The following ZFHX3 variants were observed in gnomAD, a reference collection of about 807,000 sequenced individuals.
ZFHX3 encodes the protein zinc finger homeobox protein 3.
Under a neutral mutation model 279.1 loss-of-function variants are expected in ZFHX3, and 42 were observed. That is an observed-to-expected ratio of 0.15 (90% CI 0.12 to 0.19). The LOEUF (loss-of-function observed/expected upper bound fraction) is 0.19. ZFHX3 is among the 10% of genes least tolerant of loss of function. ZFHX3 has a pLI of 1.00. For missense variants in ZFHX3, 4,981 were observed against 4,754.0 expected, an observed-to-expected ratio of 1.05 and a Z score of -1.40; for synonymous variants, 2,293 against 1,957.8, an observed-to-expected ratio of 1.17 and a Z score of -4.52.
chr16:73,357,326 A>G (rs1200716224), intron 3 of ZFHX3, among the ~76,000 whole-genome samples: 1 of 151,174 alleles, frequency 6.6e-6, no homozygotes, highest in Non-Finnish European at 1.5e-5. Context: ...AATTAATTAC[A>G]AAAAATAACA....
At chr16:73,861,261 A>G (rs1235983756) in intron 1 of ZFHX3, among the ~76,000 whole-genome samples, 1 of 152,150 alleles carries the variant, frequency 6.6e-6, no homozygotes, top group Non-Finnish European at 1.5e-5. Context: ...CACCAAGTCC[A>G]GCATGTTTTA....
At chr16:73,009,390 T>C (rs935237601) in intron 1 of ZFHX3, among the ~76,000 whole-genome samples, 1 of 152,098 alleles carries the variant, frequency 6.6e-6, no homozygotes. Context: ...ACAGATTACA[T>C]TGTATGTAAT....
At chr16:73,600,561 G>A (rs866438575) in intron 2 of ZFHX3, among the ~76,000 whole-genome samples, 18 of 152,022 alleles carry the variant, frequency 1.2e-4, no homozygotes, top group African/African-American at 3.6e-4. Context: ...GGGACTACAG[G>A]CGCCCGCCAC....
Position 72,915,557 on chromosome 16 carries a change from G to A in ZFHX3, c.3217-25595C>T, listed in dbSNP as rs116442772. The stretch of plus-strand genomic sequence containing the variant: ...AGGCTCAAGAGGAGCCCAGGAAGTC[G>A]AGACCAGCCTGGGCAACAAGGCAAG... On this transcript the variant is annotated intron_variant, in intron 3 of 9. Transcript: ENST00000268489. Among the ~76,000 whole-genome samples, 423 of 152,204 alleles carry A rather than the reference G, an allele frequency of 2.8e-3. 3 individuals carry two copies. The highest frequency in any genetic ancestry group is 9.8e-3 in the African/African-American group (407 of 41,550).
chr16:73,187,813 A>C (rs970202166), intron 5 of ZFHX3, among the ~76,000 whole-genome samples: 2 of 152,212 alleles, frequency 1.3e-5, no homozygotes, highest in African/African-American at 4.8e-5. Flanking sequence ...ACTCCTTTTC[A>C]CGTCACCCAC....
At chr16:73,815,746 C>CAGGTTTT (rs1960552385) in intron 1 of ZFHX3, 2 of 151,712 alleles carry the variant, frequency 1.3e-5, no homozygotes, top group Admixed American at 6.6e-5. Context: ...TGTATTTTTA[C>CAGGTTTT]TAGAGACAGG....
At chr16:73,772,026 C>T (rs1426619324) in intron 1 of ZFHX3, among the ~76,000 whole-genome samples, 2 of 152,130 alleles carry the variant, frequency 1.3e-5, no homozygotes. Context: ...CTTTCTTCTA[C>T]ATTTTATTTC....
intron 5 of ZFHX3, among the ~76,000 whole-genome samples, chr16:73,239,695 AC>A (rs1377638032): frequency 1.3e-5 from 2 of 152,178 alleles, no homozygotes; most frequent in African/African-American, 4.8e-5. Context: ...AGAAGAAGGA[AC>A]GGGGATGATT....
intron 5 of ZFHX3, among the ~76,000 whole-genome samples, chr16:73,228,620 A>G (rs1165181587): frequency 6.6e-6 from 1 of 152,182 alleles, no homozygotes; most frequent in Non-Finnish European, 1.5e-5. Context: ...TTGTGACTGC[A>G]CCATTGTACT....
intron 1 of ZFHX3, among the ~76,000 whole-genome samples, chr16:73,773,886 C>G (rs1166533951): frequency 6.6e-6 from 1 of 152,048 alleles, no homozygotes; most frequent in Non-Finnish European, 1.5e-5. Flanking sequence ...GCCTGTAAAC[C>G]CAGCAATTTG....
chr16:73,749,063 C>T (rs893665938), intron 1 of ZFHX3, among the ~76,000 whole-genome samples: 4 of 152,106 alleles, frequency 2.6e-5, no homozygotes, highest in Non-Finnish European at 5.9e-5. Context: ...GCTTGGATTA[C>T]AGGTGTGAGC....
chr16:73,211,164 A>G (rs550171464), intron 5 of ZFHX3, among the ~76,000 whole-genome samples: 15 of 152,278 alleles, frequency 9.9e-5, no homozygotes, highest in African/African-American at 3.6e-4. Flanking sequence ...TGGTTGGTTG[A>G]TGAGGACCAT....
chr16:73,240,035 G>C (rs1203442924), intron 5 of ZFHX3, among the ~76,000 whole-genome samples: 2 of 151,786 alleles, frequency 1.3e-5, no homozygotes, highest in African/African-American at 4.8e-5. Flanking sequence ...GTGTGTGTGT[G>C]TGTGTGTGTG....
At position 72,951,116 on chromosome 16, in the gene ZFHX3, C is replaced by T. The variant is rs926603446; in HGVS notation, c.2720-151G>A. ...TTGCAAAGGGCTACTGGCTGGAAAA[C>T]AAGCAAACAAACAAACACAGTCAAC... On this transcript the variant is annotated intron_variant, in intron 2 of 9. Transcript: ENST00000268489. The T allele has an allele frequency of 9.2e-6, 10 of 1,081,400 alleles. No individual in the cohort carries two copies. In the South Asian group the frequency reaches 9.6e-5, roughly 10 times the overall value. 67.0% of individuals were successfully genotyped at this position (1,081,400 alleles called of 1,614,324 possible). A position where few individuals can be genotyped will look rare whatever the true frequency, so the allele number is the denominator to read the frequency against.
chr16:73,026,680 A>AAAAAC (rs1964517866), intron 1 of ZFHX3, among the ~76,000 whole-genome samples: 1 of 151,224 alleles, frequency 6.6e-6, no homozygotes, highest in African/African-American at 2.4e-5. Flanking sequence ...CCTCAAAAAA[A>AAAAAC]AAAAAAAAAA....
chr16:73,039,389 G>A (rs1464472542), intron 1 of ZFHX3, among the ~76,000 whole-genome samples: 1 of 152,206 alleles, frequency 6.6e-6, no homozygotes, highest in Non-Finnish European at 1.5e-5. Flanking sequence ...CTAAATGGGG[G>A]GAGTGGCCGG....
chr16:73,040,278 G>T (rs1965064007), intron 1 of ZFHX3, among the ~76,000 whole-genome samples: 1 of 152,172 alleles, frequency 6.6e-6, no homozygotes, highest in African/African-American at 2.4e-5. Context: ...CAAGGGACAG[G>T]CGAGGCCAAG....
intron 2 of ZFHX3, chr16:73,504,621 C>T (rs1390810360): frequency 2.0e-5 from 3 of 152,310 alleles, no homozygotes; most frequent in Admixed American, 6.5e-5. Context: ...ACTTAACCCA[C>T]CTGGAGAGCA....
chr16:73,079,330 GC>G (rs1365854651), intron 8 of ZFHX3, among the ~76,000 whole-genome samples: 1 of 151,828 alleles, frequency 6.6e-6, no homozygotes, highest in Non-Finnish European at 1.5e-5. Flanking sequence ...TTCAAGACCA[GC>G]CTGGCCAACA....
Sources: allele counts gnomAD v4.1 joint callset (sites outside exome capture counted in the v4.1 genomes callset), GRCh38; gene constraint gnomAD v4.1.1; transcripts MANE v1.5; gene names NCBI Gene and HGNC (gene_info 2026-07-23, HGNC 2026-07-21).